The following SLC35F1 variants were observed in gnomAD, a reference collection of about 807,000 sequenced individuals.
The protein encoded by SLC35F1 is solute carrier family 35 member F1, also known as chromosome 6 open reading frame 169.
In SLC35F1, 14 loss-of-function variants were observed where a neutral mutation model predicts 48.7. The observed-to-expected ratio is 0.29, with a 90% CI of 0.19 to 0.45. The LOEUF (loss-of-function observed/expected upper bound fraction) is 0.45, where lower values mean the gene tolerates loss of function less well. SLC35F1 is among the 20% of genes least tolerant of loss of function. The pLI is 1.00. For missense variants in SLC35F1, 404 were observed against 500.0 expected (o/e 0.81, Z 1.83); for synonymous variants, 190 against 202.2 (o/e 0.94, Z 0.51).
At chr6:118,066,740 CTTTT>C (rs778659612) in intron 1 of SLC35F1, among the ~76,000 whole-genome samples, 5 of 125,150 alleles carry the variant, frequency 4.0e-5, no homozygotes, top group Admixed American at 8.3e-5. Context: ...GGCAGTAGTT[CTTTT>C]TTTTTTTTTT....
chr6:118,101,901 A>G (rs1468866629), intron 1 of SLC35F1, among the ~76,000 whole-genome samples: 3 of 152,234 alleles, frequency 2.0e-5, no homozygotes, highest in African/African-American at 7.2e-5. Context: ...CTCTCAAATC[A>G]TATGAGTTTA....
chr6:117,981,179 A>C (rs1266170386), intron 1 of SLC35F1, among the ~76,000 whole-genome samples: 1 of 152,126 alleles, frequency 6.6e-6, no homozygotes, highest in Non-Finnish European at 1.5e-5. Flanking sequence ...TATTTTGGTC[A>C]TGTTGGCTCA....
chr6:118,260,012 A>T (rs780858968), intron 3 of SLC35F1, among the ~76,000 whole-genome samples: 28 of 152,278 alleles, frequency 1.8e-4, no homozygotes, highest in Non-Finnish European at 3.7e-4. Context: ...AAAACATGAT[A>T]TATCCATACA....
intron 2 of SLC35F1, among the ~76,000 whole-genome samples, chr6:118,169,742 A>C (rs188404748): frequency 6.6e-6 from 1 of 152,178 alleles, no homozygotes; most frequent in Non-Finnish European, 1.5e-5. Context: ...CATTTATGAC[A>C]TAAATTGAAA....
intron 2 of SLC35F1, among the ~76,000 whole-genome samples, chr6:118,168,833 AC>A (rs1774357214): frequency 6.6e-6 from 1 of 152,216 alleles, no homozygotes; most frequent in Non-Finnish European, 1.5e-5. Flanking sequence ...TTAGAAAACC[AC>A]TATAATCTTA....
intron 1 of SLC35F1, among the ~76,000 whole-genome samples, chr6:118,046,930 C>A (rs1359186136): frequency 6.8e-6 from 1 of 146,040 alleles, no homozygotes; most frequent in East Asian, 2.0e-4. Flanking sequence ...ATTTTATCCA[C>A]AGTTTTCAAT....
chr6:118,050,288 C>T (rs899410694), intron 1 of SLC35F1, among the ~76,000 whole-genome samples: 3 of 151,090 alleles, frequency 2.0e-5, no homozygotes, highest in African/African-American at 7.3e-5. Context: ...GTGGGTGCAG[C>T]ACACCAACAT....
chr6:117,949,573 C>T (rs1006414254), intron 1 of SLC35F1, among the ~76,000 whole-genome samples: 1 of 152,046 alleles, frequency 6.6e-6, no homozygotes, highest in East Asian at 1.9e-4. Context: ...CAGCAGTCCA[C>T]GGCTCAGAAA....
intron 1 of SLC35F1, among the ~76,000 whole-genome samples, chr6:118,002,268 G>A (rs1388371376): frequency 6.6e-6 from 1 of 152,138 alleles, no homozygotes; most frequent in African/African-American, 2.4e-5. Flanking sequence ...ATACTATGCA[G>A]CCATAAAAAA....
chr6:118,116,150 C>A (rs1263057365), intron 1 of SLC35F1, among the ~76,000 whole-genome samples: 1 of 152,164 alleles, frequency 6.6e-6, no homozygotes, highest in Non-Finnish European at 1.5e-5. Context: ...CCAGGGCTCC[C>A]TGCCCGCAAT....
At chr6:117,953,256 C>G (rs576269563) in intron 1 of SLC35F1, among the ~76,000 whole-genome samples, 106 of 152,244 alleles carry the variant, frequency 7.0e-4, no homozygotes, top group African/African-American at 2.5e-3. Flanking sequence ...CTCTTCCATT[C>G]TAAAATTCAA....
chr6:118,102,604 T>A (rs900325688), intron 1 of SLC35F1, among the ~76,000 whole-genome samples: 1 of 152,220 alleles, frequency 6.6e-6, no homozygotes, highest in African/African-American at 2.4e-5. Context: ...CAGTTTCACG[T>A]TGTGGCACAG....
chr6:118,173,222 C>T (rs1014962182), intron 2 of SLC35F1, among the ~76,000 whole-genome samples: 3 of 151,874 alleles, frequency 2.0e-5, no homozygotes, highest in African/African-American at 7.3e-5. Context: ...GCCTGATAAG[C>T]TGTAAAATTA....
At chr6:117,926,507 TG>T (rs1776030716) in intron 1 of SLC35F1, among the ~76,000 whole-genome samples, 1 of 152,036 alleles carries the variant, frequency 6.6e-6, no homozygotes, top group Non-Finnish European at 1.5e-5. Context: ...AGTGTGTGTG[TG>T]TGTTTGTGTT....
At chr6:118,186,284 C>G (rs947418268) in intron 2 of SLC35F1, among the ~76,000 whole-genome samples, 23 of 152,058 alleles carry the variant, frequency 1.5e-4, no homozygotes, top group African/African-American at 5.6e-4. Context: ...CATTGTACCC[C>G]CAAGCCCAGC....
intron 1 of SLC35F1, among the ~76,000 whole-genome samples, chr6:118,042,266 A>C (rs1772234736): frequency 6.6e-6 from 1 of 152,200 alleles, no homozygotes; most frequent in Non-Finnish European, 1.5e-5. Context: ...AAAGCCCATT[A>C]TTTGGTGAAG....
chr6:117,990,127 AG>A (rs1192204518), intron 1 of SLC35F1, among the ~76,000 whole-genome samples: 2 of 152,164 alleles, frequency 1.3e-5, no homozygotes, highest in Admixed American at 6.5e-5. Context: ...TTCCATTTTA[AG>A]GGCACCTGAA....
intron 1 of SLC35F1, among the ~76,000 whole-genome samples, chr6:117,924,552 G>A (rs1451320519): frequency 2.7e-5 from 3 of 112,148 alleles, no homozygotes; most frequent in African/African-American, 7.7e-5. Flanking sequence ...CCATATATAT[G>A]TGTATTTATA....
intron 1 of SLC35F1, among the ~76,000 whole-genome samples, chr6:118,029,590 C>T (rs1056703716): frequency 3.7e-4 from 57 of 152,144 alleles, no homozygotes; most frequent in African/African-American, 1.3e-3. Flanking sequence ...TTTCAGGCAT[C>T]CACTGGGGGT....
Sources: allele counts gnomAD v4.1 joint callset (sites outside exome capture counted in the v4.1 genomes callset), GRCh38; gene constraint gnomAD v4.1.1; transcripts MANE v1.5; gene names NCBI Gene and HGNC (gene_info 2026-07-23, HGNC 2026-07-21).